Variants in UNC5A observed in about 807,000 individuals in gnomAD.
UNC5A encodes unc-5 netrin receptor A, also known as netrin receptor UNC5A.
UNC5A carries 20 observed loss-of-function variants against 87.4 expected under a neutral mutation model. The ratio of observed to expected loss-of-function variants is 0.23; its 90% CI spans 0.16 to 0.33. The LOEUF (loss-of-function observed/expected upper bound fraction) is 0.33, where lower values mean the gene tolerates loss of function less well. Ranked by LOEUF, UNC5A falls within the 10% of genes least tolerant of loss-of-function variation. The pLI is 1.00. For synonymous variants in UNC5A, 438 were observed against 482.3 expected (o/e 0.91, Z 1.20); for missense variants, 844 against 1,133.4 (o/e 0.74, Z 3.67).
At chr5:176,827,767 C>A (rs1756890745) in intron 1 of UNC5A, among the ~76,000 whole-genome samples, 1 of 152,222 alleles carries the variant, frequency 6.6e-6, no homozygotes, top group Non-Finnish European at 1.5e-5. Context: ...TTCTCACTAG[C>A]AATAACGAGG....
chr5:176,861,697 C>G (rs1401141317), intron 1 of UNC5A, among the ~76,000 whole-genome samples: 1 of 152,184 alleles, frequency 6.6e-6, no homozygotes, highest in Non-Finnish European at 1.5e-5. Context: ...AGATAGCAAG[C>G]CACTCGCTCC....
intron 1 of UNC5A, among the ~76,000 whole-genome samples, chr5:176,826,812 T>C (rs1756866734): frequency 6.6e-6 from 1 of 152,026 alleles, no homozygotes; most frequent in South Asian, 2.1e-4. Context: ...AGCTATTTTT[T>C]GTATTTTTGG....
At chr5:176,863,250 C>T (rs1026239320) in intron 2 of UNC5A, among the ~76,000 whole-genome samples, 5 of 152,198 alleles carry the variant, frequency 3.3e-5, no homozygotes, top group Admixed American at 3.3e-4. Flanking sequence ...GCATAAGAAC[C>T]GGTTAGGGAG....
At chr5:176,812,468 G>C (rs483868) in intron 1 of UNC5A, among the ~76,000 whole-genome samples, 36,232 of 152,228 alleles carry the variant, frequency 0.24, 5,351 homozygotes, top group Non-Finnish European at 0.32. Flanking sequence ...ATTGGCATGT[G>C]TGTGCCCTGA....
intron 1 of UNC5A, among the ~76,000 whole-genome samples, chr5:176,836,139 GGC>G (rs1273350358): frequency 6.6e-6 from 1 of 152,248 alleles, no homozygotes; most frequent in Admixed American, 6.5e-5. Flanking sequence ...ATGGCCAGCA[GGC>G]TTTAGTCTGG....
rs141306929 is a variant in UNC5A at position 176,845,696 on chromosome 5, C to A, written c.71-16928C>A. Among the ~76,000 whole-genome samples, 626 of 152,336 alleles carry A rather than the reference C, an allele frequency of 4.1e-3. 5 individuals are homozygous for A. Among genetic ancestry groups the A allele is most frequent in the African/African-American group, 0.014 (576 of 41,570 alleles). Reference sequence around the variant, plus strand: ...CTGGAGCTTCCCCTCTAGTTCCAGGCAGATGGACAACAAAGAGACAAGTCC... The same window carrying A: ...CTGGAGCTTCCCCTCTAGTTCCAGGAAGATGGACAACAAAGAGACAAGTCC... On this transcript the variant is annotated intron_variant, in intron 1 of 14. Transcript: ENST00000329542.
chr5:176,860,027 C>T (rs979573766), intron 1 of UNC5A, among the ~76,000 whole-genome samples: 7 of 152,218 alleles, frequency 4.6e-5, no homozygotes, highest in Non-Finnish European at 8.8e-5. Flanking sequence ...GCGGCTGACG[C>T]AAGCAGTGCT....
chr5:176,863,496 G>A (rs1200149433), intron 2 of UNC5A, among the ~76,000 whole-genome samples: 1 of 152,130 alleles, frequency 6.6e-6, no homozygotes, highest in Non-Finnish European at 1.5e-5. Context: ...CTGAGCAGAG[G>A]GGGCCAGCCA....
intron 1 of UNC5A, among the ~76,000 whole-genome samples, chr5:176,836,622 G>T (rs1310627249): frequency 1.3e-5 from 2 of 151,960 alleles, no homozygotes; most frequent in Admixed American, 6.6e-5. Context: ...TCAGAGAGAG[G>T]CCAAGAGGGA....
At chr5:176,849,483 G>C (rs1561654215) in intron 1 of UNC5A, among the ~76,000 whole-genome samples, 1 of 152,208 alleles carries the variant, frequency 6.6e-6, no homozygotes, top group South Asian at 2.1e-4. Context: ...TACTTGGGAG[G>C]CTGAGGCAGG....
At chr5:176,857,233 A>G (rs1190774887) in intron 1 of UNC5A, among the ~76,000 whole-genome samples, 1 of 152,250 alleles carries the variant, frequency 6.6e-6, no homozygotes, top group Non-Finnish European at 1.5e-5. Context: ...AGCAAGCTTC[A>G]GAGACGGGGA....
intron 1 of UNC5A, among the ~76,000 whole-genome samples, chr5:176,830,652 G>A (rs1581248913): frequency 6.9e-6 from 1 of 144,988 alleles, no homozygotes; most frequent in Admixed American, 6.8e-5. Flanking sequence ...GTGTGCATTT[G>A]TGTGTGTGTG....
chr5:176,879,653 G>A (rs1162126217), intron 14 of UNC5A, 68 bp from the exon 15 acceptor site: 2 of 1,586,034 alleles, frequency 1.3e-6, no homozygotes, highest in Admixed American at 1.7e-5. Flanking sequence ...CCTGGGGTGG[G>A]CCAGGGGGGG....
rs1009717951 is a variant in UNC5A, at chr5:176,866,805, A to G, written c.293-1325A>G. ...CACCCCACCCCCTGAGAGTGTCCAC[A>G]CTGGGTGTCTTAGAGAACGGGGCAG... On this transcript the variant is annotated intron_variant, in intron 2 of 14. Coordinates refer to ENST00000329542, the MANE Select transcript of UNC5A (RefSeq NM_133369.3). This position sits in a 1 kb window ranked among gnomAD's most constrained non-coding sequence, Gnocchi z 5.0. Among the ~76,000 whole-genome samples, 2 of 152,036 alleles carry G rather than the reference A, an allele frequency of 1.3e-5. No homozygotes were observed. The highest frequency in any genetic ancestry group is 4.8e-5 in the African/African-American group (2 of 41,392).
intron 1 of UNC5A, among the ~76,000 whole-genome samples, chr5:176,842,939 A>T (rs1167114875): frequency 6.6e-6 from 1 of 152,142 alleles, no homozygotes; most frequent in African/African-American, 2.4e-5. Context: ...AGGTGGGTGG[A>T]TCACCTGGGG....
chr5:176,845,315 A>G (rs1230065086), intron 1 of UNC5A, among the ~76,000 whole-genome samples: 1 of 152,164 alleles, frequency 6.6e-6, no homozygotes, highest in Non-Finnish European at 1.5e-5. Context: ...CCCCACGCTC[A>G]GTGTCCTGGC....
chr5:176,879,943 G>C lies in UNC5A; in HGVS notation c.*57G>C, dbSNP rs1045576201. The C allele has an allele frequency of 3.2e-6, 5 of 1,554,030 alleles. No individual in the cohort carries two copies. The highest frequency in any genetic ancestry group is 2.0e-4 in the Middle Eastern group (1 of 4,952). On this transcript the variant is annotated 3_prime_UTR_variant, in exon 15 of 15. Coordinates refer to ENST00000329542, the MANE Select transcript of UNC5A (RefSeq NM_133369.3). ...CAGCTTTGGCACCCACCAAGGACAG[G>C]CAGAAGCCGGACAGGGGCCCTTCCC... is the stretch of plus-strand genomic sequence containing the variant.
At chr5:176,856,030 TG>T (rs937185615) in intron 1 of UNC5A, among the ~76,000 whole-genome samples, 2 of 152,144 alleles carry the variant, frequency 1.3e-5, no homozygotes, top group Admixed American at 6.5e-5. Flanking sequence ...GCAGCCGCCC[TG>T]GGGAAGCAGC....
In UNC5A at chr5:176,873,954, G is replaced by C. The variant is rs775266595; in HGVS notation, c.887-14G>C. 1.2e-6 allele frequency: 2 copies of C among 1,610,336 alleles called. No individual in the cohort carries two copies. The highest frequency in any genetic ancestry group is 1.7e-6 in the Non-Finnish European group (2 of 1,178,616). On this transcript the variant is annotated splice_polypyrimidine_tract_variant and intron_variant, in intron 6 of 14. Coordinates refer to ENST00000329542, the MANE Select transcript of UNC5A (RefSeq NM_133369.3). ...ACACCCCTGCCCCCACCAAGGCCAT[G>C]CTGTCTCCCGCAGCTGCTTCTGGCC... is the stretch of plus-strand genomic sequence containing the variant.
Sources: gnomAD v4.1 joint callset for allele counts (sites outside exome capture counted in the v4.1 genomes callset) on GRCh38, gnomAD v4.1.1 for gene constraint, Gnocchi (gnomAD v3.1) non-coding constraint, MANE v1.5 for transcripts, NCBI Gene and HGNC (gene_info 2026-07-23, HGNC 2026-07-21) for gene names.